Variants in UPRT observed in about 807,000 individuals in gnomAD.
UPRT encodes RP11-311P8.3.
A neutral mutation model predicts 22.6 loss-of-function variants in UPRT; 5 were observed. That is an observed-to-expected ratio of 0.22 (90% CI 0.12 to 0.47). The LOEUF is 0.47. Among genes scored for constraint, UPRT ranks in the 20% least tolerant of loss-of-function variants. The pLI is 0.99. For missense variants in UPRT, 181 were observed against 239.9 expected (o/e 0.75, Z 1.62); for synonymous variants, 77 against 87.7 (o/e 0.88, Z 0.68).
At chrX:75,161,629 A>C (rs1191096950) in intron 2 of UPRT, among the ~76,000 whole-genome samples, 1 of 112,011 alleles carries the variant, frequency 8.9e-6, no homozygotes, top group Non-Finnish European at 1.9e-5. Context: ...TGCTTTACAT[A>C]CATGATCATA....
chrX:75,281,517 A>C (rs2082656823), intron 1 of UPRT, among the ~76,000 whole-genome samples: 2 of 111,811 alleles, frequency 1.8e-5, no homozygotes, highest in African/African-American at 6.5e-5. Context: ...ATCTATTGAG[A>C]TGATCCTGTG....
intron 4 of UPRT, among the ~76,000 whole-genome samples, chrX:75,176,052 G>T (rs1602438321): frequency 9.0e-6 from 1 of 111,590 alleles, no homozygotes; most frequent in African/African-American, 3.3e-5. Context: ...GGTGATAGGG[G>T]AGTATATTTT....
At chrX:75,216,859 A>AC (rs1463696361) in intron 4 of UPRT, among the ~76,000 whole-genome samples, 1 of 111,858 alleles carries the variant, frequency 8.9e-6, no homozygotes, top group Non-Finnish European at 1.9e-5. Context: ...GGTTCACGCC[A>AC]TTCTCCTGCC....
intron 1 of UPRT, chrX:75,285,497 T>C (rs1347194235): frequency 8.9e-6 from 1 of 111,807 alleles, no homozygotes; most frequent in Non-Finnish European, 1.9e-5. Context: ...TGTATTTCAC[T>C]CGGCTCTCTA....
At chrX:75,208,846 A>G (rs1384460202) in intron 4 of UPRT, among the ~76,000 whole-genome samples, 1 of 111,765 alleles carries the variant, frequency 8.9e-6, no homozygotes, top group Non-Finnish European at 1.9e-5. Flanking sequence ...ATGTGTGGCT[A>G]TTGTGGGTTT....
At chrX:75,223,510 T>C (rs908492512) in intron 4 of UPRT, among the ~76,000 whole-genome samples, 1 of 111,312 alleles carries the variant, frequency 9.0e-6, no homozygotes, top group Non-Finnish European at 1.9e-5. Flanking sequence ...TTGCTGAATA[T>C]CAAGTTCTTA....
chrX:75,278,550 A>C (rs963133810), intron 1 of UPRT, among the ~76,000 whole-genome samples: 1 of 112,061 alleles, frequency 8.9e-6, no homozygotes, highest in Admixed American at 9.5e-5. Flanking sequence ...TAAACTCAGC[A>C]AAATCTGAGT....
chrX:75,274,350 C>T lies in UPRT; in HGVS notation c.96C>T (p.Gly32=). Residue 32 remains glycine, a synonymous_variant, in exon 1 of 7, where the codon GGC becomes GGT. Coordinates refer to ENST00000373383, the MANE Select transcript of UPRT (RefSeq NM_145052.4). The stretch of plus-strand genomic sequence containing the variant: ...CAAGTCCCGAGCAGCTGCGACCTGG[C>T]GATCTGATCCTGGACCACGCAGGGG... The part of the protein sequence containing the change: ...STPSPEQLRP[G]DLILDHAGGN... The T allele has an allele frequency of 8.3e-7, 1 of 1,211,584 alleles. No individual in the cohort carries two copies. Among genetic ancestry groups the T allele is most frequent in the Non-Finnish European group, 1.1e-6 (1 of 895,477 alleles).
chrX:75,285,971 G>A (rs1045447512), intron 1 of UPRT, among the ~76,000 whole-genome samples: 3 of 111,108 alleles, frequency 2.7e-5, no homozygotes, highest in African/African-American at 9.8e-5. Context: ...TGTATACTAC[G>A]ACAAACTTTG....
At chrX:75,251,508 A>T (rs2082529686) in intron 4 of UPRT, among the ~76,000 whole-genome samples, 2 of 111,417 alleles carry the variant, frequency 1.8e-5, no homozygotes, top group Admixed American at 9.6e-5. Context: ...CTTACAAGGG[A>T]CGTGAAGGAC....
intron 4 of UPRT, chrX:75,297,775 T>TG (rs2082731042): frequency 2.6e-6 from 1 of 384,965 alleles, no homozygotes; most frequent in African/African-American, 2.6e-5. Context: ...AGTGCTCCCA[T>TG]GGGCAAGCCA....
chrX:75,159,968 G>A (rs903945737), intron 1 of UPRT, among the ~76,000 whole-genome samples: 1 of 109,009 alleles, frequency 9.2e-6, no homozygotes. Flanking sequence ...AGTAGAGACG[G>A]GGTTTCACCG....
intron 4 of UPRT, among the ~76,000 whole-genome samples, chrX:75,265,830 T>A (rs780318085): frequency 9.0e-6 from 1 of 111,554 alleles, no homozygotes; most frequent in East Asian, 2.8e-4. Flanking sequence ...TGGTCTTTGA[T>A]GATGGTGACA....
chrX:75,249,850 A>T (rs1369409031), intron 4 of UPRT, among the ~76,000 whole-genome samples: 1 of 111,592 alleles, frequency 9.0e-6, no homozygotes, highest in African/African-American at 3.3e-5. Context: ...CAGAAATTAT[A>T]ACAAACTGTC....
At chrX:75,160,433 G>T (rs1335306982) in intron 1 of UPRT, among the ~76,000 whole-genome samples, 1 of 111,729 alleles carries the variant, frequency 9.0e-6, no homozygotes, top group African/African-American at 3.3e-5. Flanking sequence ...AAAAAATGCA[G>T]CCCAAAATTA....
chrX:75,180,211 T>C (rs986372632), intron 4 of UPRT, among the ~76,000 whole-genome samples: 11 of 112,398 alleles, frequency 9.8e-5, no homozygotes, highest in Non-Finnish European at 5.6e-5. Context: ...CTCCCTGTGG[T>C]CTTTTCCCAG....
In UPRT at chrX:75,185,418, T is replaced by C. The variant is rs1373862577; in HGVS notation, c.-447+17539T>C. 7.1e-5 allele frequency among the ~76,000 whole-genome samples: 8 copies of C among 112,126 alleles called. No individual in the cohort carries two copies. The East Asian group carries it at 2.0e-3, about 27-fold the overall frequency. On this transcript the variant is annotated intron_variant, in intron 4 of 13. Transcript: ENST00000652605. ...CTGTTTGATGTGCTGCTGGATTTGG[T>C]TTGCCAGTATTTTATTGAGGATTTT... is the stretch of plus-strand genomic sequence containing the variant.
intron 4 of UPRT, among the ~76,000 whole-genome samples, chrX:75,194,579 C>A (rs1479578244): frequency 9.0e-6 from 1 of 110,923 alleles, no homozygotes; most frequent in Non-Finnish European, 1.9e-5. Context: ...GCAGGATGTC[C>A]CACTGGAGTC....
chrX:75,172,926 T>A (rs2082232978), intron 4 of UPRT, among the ~76,000 whole-genome samples: 1 of 110,793 alleles, frequency 9.0e-6, no homozygotes, highest in Admixed American at 9.5e-5. Flanking sequence ...TCTTCCACAG[T>A]GTGGAAGGGG....
Sources: allele counts gnomAD v4.1 joint callset (sites outside exome capture counted in the v4.1 genomes callset), GRCh38; gene constraint gnomAD v4.1.1; transcripts MANE v1.5; gene names NCBI Gene and HGNC (gene_info 2026-07-23, HGNC 2026-07-21).